Variants in ARHGAP31 observed in about 807,000 individuals in gnomAD.
ARHGAP31 encodes Rho GTPase activating protein 31.
In ARHGAP31, 34 loss-of-function variants were observed where a neutral mutation model predicts 113.9. That is an observed-to-expected ratio of 0.30 (90% CI 0.23 to 0.40). The LOEUF (loss-of-function observed/expected upper bound fraction) is 0.40. ARHGAP31 is among the 10% of genes least tolerant of loss of function. ARHGAP31 has a pLI of 1.00. For missense variants in ARHGAP31, 1,548 were observed against 1,767.1 expected, an observed-to-expected ratio of 0.88 and a Z score of 2.22; for synonymous variants, 650 against 684.8, an observed-to-expected ratio of 0.95 and a Z score of 0.79.
At chr3:119,385,779 C>T (rs2080444153) in intron 6 of ARHGAP31, among the ~76,000 whole-genome samples, 1 of 152,216 alleles carries the variant, frequency 6.6e-6, no homozygotes, top group Admixed American at 6.5e-5. Context: ...AAGTAATTCG[C>T]TGCGTGTGGA....
intron 1 of ARHGAP31, among the ~76,000 whole-genome samples, chr3:119,320,933 G>T (rs1013192507): frequency 6.6e-6 from 1 of 152,068 alleles, no homozygotes; most frequent in Non-Finnish European, 1.5e-5. Flanking sequence ...CACGAGATCT[G>T]ATGGTTTTGA....
intron 8 of ARHGAP31, among the ~76,000 whole-genome samples, 178 bp from the exon 9 acceptor site, chr3:119,399,021 G>A (rs1001655232): frequency 2.6e-5 from 4 of 152,102 alleles, no homozygotes; most frequent in Non-Finnish European, 2.9e-5. Flanking sequence ...TAGGTCTGTC[G>A]CATTAAGAAA....
chr3:119,387,381 G>C (rs933671942), intron 6 of ARHGAP31, among the ~76,000 whole-genome samples: 24 of 152,006 alleles, frequency 1.6e-4, no homozygotes, highest in African/African-American at 5.6e-4. Context: ...TTATAATATT[G>C]GAATAAAAAG....
Position 119,294,661 on chromosome 3 carries a change from GCGGCTGCCAGTCTGCACGGCCT to G in ARHGAP31, c.-239_-218del, listed in dbSNP as rs2079516040. On this transcript the variant is annotated 5_prime_UTR_variant, in exon 1 of 12. Transcript: ENST00000264245. ...GTGACACTCCCAGGCGAGCCGGCCC[GCGGCTGCCAGTCTGCACGGCCT>G]CGGCACGGCGGCCCCGGAGCGGCGC... 1 of 562,724 alleles carries G rather than the reference GCGGCTGCCAGTCTGCACGGCCT, an allele frequency of 1.8e-6. No individual in the cohort carries two copies. The highest frequency in any genetic ancestry group is 3.1e-6 in the Non-Finnish European group (1 of 323,394). The allele number at this position is 562,724 out of a possible 1,614,324, so 34.9% of individuals were successfully genotyped here. A position where few individuals can be genotyped will look rare whatever the true frequency, so the allele number is the denominator to read the frequency against.
At chr3:119,337,932 T>C (rs1386652048) in intron 1 of ARHGAP31, among the ~76,000 whole-genome samples, 2 of 152,216 alleles carry the variant, frequency 1.3e-5, no homozygotes, top group Non-Finnish European at 1.5e-5. Context: ...CTCAGTGCTA[T>C]GAACATTTGG....
rs1322619312 is a variant in ARHGAP31 at position 119,368,475 on chromosome 3, C to T, written c.307C>T (p.Pro103Ser). Reference sequence around the variant, plus strand: ...TTGCAAGCTCTACTTTAGGGAGCTGCCCAACCCCCTCCTGACTTATGAGCT... The same window carrying T: ...TTGCAAGCTCTACTTTAGGGAGCTGTCCAACCCCCTCCTGACTTATGAGCT... ...SLCKLYFREL[P>S]NPLLTYELYE... The change falls in exon 3 of 12, where the codon CCC becomes TCC. Residue 103 changes from proline to serine, a missense_variant. Physicochemically the swap from Pro to Ser is moderately conservative, Grantham distance 74. Transcript: ENST00000264245. 1 of 1,614,094 alleles carries T rather than the reference C, an allele frequency of 6.2e-7. No individual in the cohort carries two copies. The highest frequency in any genetic ancestry group is 1.1e-5 in the South Asian group (1 of 91,088).
rs1472767526 is a variant in ARHGAP31 at position 119,402,174 on chromosome 3, G to T, written c.1422G>T (p.Glu474Asp). The T allele has an allele frequency of 3.1e-6, 5 of 1,614,268 alleles. No homozygotes were observed. The Admixed American group carries it at 8.3e-5, about 27-fold the overall frequency. The change falls in exon 10 of 12, where the codon GAG (glutamate) becomes GAT (aspartate). Residue 474 changes from glutamate (E) to aspartate (D), a missense_variant. Transcript: ENST00000264245. ...TCACCAGCAGCCTCTTCCAGATGGA[G>T]CCCTCGCCGCGTAACCAGCGCAAGG... is the stretch of plus-strand genomic sequence containing the variant. ...SVFTSSLFQMEPSPRNQRKAL... is the reference protein window; with the variant it reads ...SVFTSSLFQMDPSPRNQRKAL...
At chr3:119,320,092 A>G (rs1343204380) in intron 1 of ARHGAP31, among the ~76,000 whole-genome samples, 1 of 152,238 alleles carries the variant, frequency 6.6e-6, no homozygotes, top group African/African-American at 2.4e-5. Flanking sequence ...GCCTTTTATC[A>G]TAACACAGGT....
chr3:119,333,845 C>T (rs1461345419), intron 1 of ARHGAP31, among the ~76,000 whole-genome samples: 2 of 152,214 alleles, frequency 1.3e-5, no homozygotes, highest in Non-Finnish European at 2.9e-5. Flanking sequence ...ATGACTGCTA[C>T]TTTGTGAGAA....
chr3:119,359,463 A>G (rs1053980151), intron 1 of ARHGAP31, among the ~76,000 whole-genome samples: 2 of 152,014 alleles, frequency 1.3e-5, no homozygotes, highest in African/African-American at 4.8e-5. Flanking sequence ...TTTTTAAAGA[A>G]CAGAACACAT....
In ARHGAP31 at chr3:119,420,281, G is replaced by T. The variant is rs2080810151; in HGVS notation, c.*4017G>T. ...ATGAATTGGGGTTAAGTGTTGCTAA[G>T]ACTATGATTTTAGACATGTCTGGCA... On this transcript the variant is annotated 3_prime_UTR_variant, in exon 12 of 12. Transcript: ENST00000264245. 1 of 152,228 alleles carries T rather than the reference G, an allele frequency of 6.6e-6. No individual in the cohort carries two copies. Among genetic ancestry groups the T allele is most frequent in the African/African-American group, 2.4e-5 (1 of 41,456 alleles). 9.4% of individuals were successfully genotyped at this position (152,228 alleles called of 1,614,324 possible).
chr3:119,374,557 G>A (rs2107627420), intron 3 of ARHGAP31, among the ~76,000 whole-genome samples: 1 of 152,300 alleles, frequency 6.6e-6, no homozygotes, highest in East Asian at 1.9e-4. Context: ...GAGGGACCTG[G>A]TGGGAGTGAT....
intron 1 of ARHGAP31, among the ~76,000 whole-genome samples, chr3:119,306,219 C>A (rs892168349): frequency 2.0e-5 from 3 of 152,158 alleles, no homozygotes; most frequent in Non-Finnish European, 4.4e-5. Flanking sequence ...CTCTTCAAAT[C>A]CAGTTTTGGA....
At chr3:119,317,310 C>G (rs1347957376) in intron 1 of ARHGAP31, among the ~76,000 whole-genome samples, 1 of 151,978 alleles carries the variant, frequency 6.6e-6, no homozygotes, top group African/African-American at 2.4e-5. Context: ...TCCCGAGTAG[C>G]TGGCACTACA....
At position 119,415,526 on chromosome 3, in the gene ARHGAP31, G is replaced by A. The variant is rs759579566; in HGVS notation, c.3597G>A (p.Ala1199=). The A allele has an allele frequency of 2.5e-6, 4 of 1,614,046 alleles. No individual in the cohort carries two copies. Among genetic ancestry groups the A allele is most frequent in the East Asian group, 2.2e-5 (1 of 44,874 alleles). ...SFMVKMCQAR[A]VPVIPPKIQY... Reference sequence around the variant, plus strand: ...TGGTCAAAATGTGCCAGGCCAGGGCGGTCCCAGTCATCCCTCCCAAGATTC... The same window carrying A: ...TGGTCAAAATGTGCCAGGCCAGGGCAGTCCCAGTCATCCCTCCCAAGATTC... The change falls in exon 12 of 12, where the codon GCG becomes GCA. Residue 1199 remains alanine, a synonymous_variant. Coordinates refer to ENST00000264245, the MANE Select transcript of ARHGAP31 (RefSeq NM_020754.4).
At position 119,383,184 on chromosome 3, in the gene ARHGAP31, C is replaced by A. The variant is rs754008141; in HGVS notation, c.640C>A (p.Gln214Lys). ...VIEFILNHVD[Q>K]IFNNGAPGSL... Reference sequence around the variant, plus strand: ...TGAGTTCATATTGAATCATGTAGATCAAATCTTTAACAACGGTGCACCTGG... The same window carrying A: ...TGAGTTCATATTGAATCATGTAGATAAAATCTTTAACAACGGTGCACCTGG... The change falls in exon 6 of 12, where the codon CAA becomes AAA. Residue 214 changes from glutamine to lysine, a missense_variant. Transcript: ENST00000264245. The A allele has an allele frequency of 6.2e-7, 1 of 1,614,122 alleles. No homozygotes were observed. The highest frequency in any genetic ancestry group is 8.5e-7 in the Non-Finnish European group (1 of 1,180,020).
rs755882102 is a variant in ARHGAP31 at position 119,415,156 on chromosome 3, A to G, written c.3227A>G (p.Gln1076Arg). The change falls in exon 12 of 12, where the codon CAG becomes CGG. Residue 1076 changes from glutamine to arginine, a missense_variant. Coordinates refer to ENST00000264245, the MANE Select transcript of ARHGAP31 (RefSeq NM_020754.4). ...ESSKESSPSV[Q>R]DSTSPGEHPA... is the part of the protein sequence containing the mutation. ...AGCAAGGAGAGTTCACCCAGCGTGC[A>G]GGACAGCACTTCGCCTGGAGAGCAC... 3 of 1,614,236 alleles carry G rather than the reference A, an allele frequency of 1.9e-6. No individual in the cohort carries two copies. Among genetic ancestry groups the G allele is most frequent in the Non-Finnish European group, 2.5e-6 (3 of 1,180,044 alleles).
At position 119,332,604 on chromosome 3, in the gene ARHGAP31, T is replaced by TTCTC. The variant is rs34228523; in HGVS notation, c.101-32683_101-32680dup. Among the ~76,000 whole-genome samples the TTCTC allele has an allele frequency of 4.4e-3, 469 of 105,792 alleles. 4 individuals are homozygous for TTCTC. The highest frequency in any genetic ancestry group is 8.7e-3 in the South Asian group (24 of 2,750). 69.4% of individuals were successfully genotyped at this position (105,792 alleles called of 152,430 possible). On this transcript the variant is annotated intron_variant, in intron 1 of 11. Transcript: ENST00000264245. ...CAGGGATCTCTTTCTCTCTCTCTCT[T>TTCTC]TCTCTCTCTCTCTCTCTCTCTCTCT...
intron 1 of ARHGAP31, among the ~76,000 whole-genome samples, chr3:119,356,702 A>G (rs1020540252): frequency 4.6e-5 from 7 of 152,144 alleles, no homozygotes; most frequent in African/African-American, 1.7e-4. Context: ...GCCTAACAAT[A>G]TATCTGAGAC....
Sources: gnomAD v4.1 joint callset for allele counts (sites outside exome capture counted in the v4.1 genomes callset) on GRCh38, gnomAD v4.1.1 for gene constraint, MANE v1.5 for transcripts, NCBI Gene and HGNC (gene_info 2026-07-23, HGNC 2026-07-21) for gene names.